AP1G1: variants seen among roughly 807,000 people sequenced by gnomAD.
The protein encoded by AP1G1 is AP-1 complex subunit gamma-1.
A neutral mutation model predicts 108.3 loss-of-function variants in AP1G1; 7 were observed. The ratio of observed to expected loss-of-function variants is 0.06; its 90% CI spans 0.04 to 0.12. AP1G1 has a LOEUF of 0.12. AP1G1 is among the 10% of genes least tolerant of loss of function. The pLI is 1.00. For missense variants in AP1G1, 756 were observed against 1,010.7 expected (o/e 0.75, Z 3.42); for synonymous variants, 379 against 353.5 (o/e 1.07, Z -0.81).
intron 9 of AP1G1, among the ~76,000 whole-genome samples, chr16:71,763,896 T>C (rs1305630132): frequency 3.0e-4 from 45 of 152,038 alleles, no homozygotes; most frequent in Non-Finnish European, 7.4e-5. Context: ...AAATGAAAAA[T>C]TGTCATTAGA....
chr16:71,732,859 G>A lies in AP1G1; in HGVS notation c.*199C>T, dbSNP rs184500521. The A allele has an allele frequency of 1.6e-5, 8 of 511,174 alleles. No individual in the cohort carries two copies. The East Asian group carries it at 2.5e-4, about 16-fold the overall frequency. The allele number at this position is 511,174 out of a possible 1,614,324, so 31.7% of individuals were successfully genotyped here. On this transcript the variant is annotated 3_prime_UTR_variant, in exon 23 of 23. Transcript: ENST00000299980. ...GCAAAGTAGCCTCCAGAAGCAGCCA[G>A]CCTCAACAGTGGAGGAGAGGACATT...
Position 71,788,771 on chromosome 16 carries a change from C to G in AP1G1, c.201+508G>C, listed in dbSNP as rs142595615. ...AAACTCCTGGGGCACAAGCAATCCT[C>G]TTGACTTAGCTTCCTGAGTAGCTGG... On this transcript the variant is annotated intron_variant, in intron 2 of 22. Transcript: ENST00000299980. 3.3e-3 allele frequency among the ~76,000 whole-genome samples: 501 copies of G among 151,834 alleles called. 2 individuals carry two copies. Among genetic ancestry groups the G allele is most frequent in the Middle Eastern group, 0.01 (3 of 294 alleles).
At chr16:71,791,628 T>C (rs901098311) in intron 1 of AP1G1, among the ~76,000 whole-genome samples, 2 of 144,992 alleles carry the variant, frequency 1.4e-5, no homozygotes, top group African/African-American at 5.2e-5. Context: ...GAGGCTGCAG[T>C]AAGCTGTGAC....
At chr16:71,804,408 ATT>A (rs71153664) in intron 1 of AP1G1, among the ~76,000 whole-genome samples, 72 of 124,724 alleles carry the variant, frequency 5.8e-4, no homozygotes, top group Admixed American at 6.9e-4. Flanking sequence ...TGCTCTCTTA[ATT>A]TTTTTTTTTT....
chr16:71,752,855 T>C (rs2030575846), intron 13 of AP1G1, among the ~76,000 whole-genome samples: 1 of 152,194 alleles, frequency 6.6e-6, no homozygotes, highest in South Asian at 2.1e-4. Flanking sequence ...ATTTCTTTAA[T>C]AAGAAAATTT....
intron 1 of AP1G1, among the ~76,000 whole-genome samples, chr16:71,804,900 T>C (rs1379983161): frequency 2.0e-5 from 3 of 151,892 alleles, no homozygotes; most frequent in Admixed American, 1.3e-4. Context: ...CCCAGCTACT[T>C]AGGAGGCTGA....
At chr16:71,794,293 C>T (rs988381752) in intron 1 of AP1G1, among the ~76,000 whole-genome samples, 2 of 152,090 alleles carry the variant, frequency 1.3e-5, no homozygotes, top group African/African-American at 4.8e-5. Context: ...TTTAGTATTT[C>T]GATGGTTTCA....
rs146667783 is a variant in AP1G1, at chr16:71,749,043, A to C, written c.1498-665T>G. Among the ~76,000 whole-genome samples, 506 of 152,142 alleles carry C rather than the reference A, an allele frequency of 3.3e-3. 4 individuals are homozygous for C. The highest frequency in any genetic ancestry group is 0.012 in the African/African-American group (482 of 41,534). On this transcript the variant is annotated intron_variant, in intron 15 of 22. Coordinates refer to ENST00000299980, the MANE Select transcript of AP1G1 (RefSeq NM_001128.6). ...TGCCTCAGCCTCCCGAGTAGCTGGG[A>C]CTACAGGTGCCTGCCACCACGCCCG...
intron 3 of AP1G1, among the ~76,000 whole-genome samples, chr16:71,773,908 G>A (rs893952088): frequency 1.0e-4 from 15 of 144,430 alleles, no homozygotes; most frequent in South Asian, 7.9e-4. Flanking sequence ...GACTACAGGC[G>A]CACGCCACCA....
At chr16:71,800,693 C>T (rs951934835) in intron 1 of AP1G1, among the ~76,000 whole-genome samples, 5 of 151,756 alleles carry the variant, frequency 3.3e-5, no homozygotes, top group Non-Finnish European at 5.9e-5. Context: ...CCCAGCTACT[C>T]GGGAGGCTGA....
In AP1G1 at chr16:71,750,170, G is replaced by C. The variant is rs370731931; in HGVS notation, c.1407+40C>G. 29 of 1,602,526 alleles carry C rather than the reference G, an allele frequency of 1.8e-5. No homozygotes were observed. In the African/African-American group the frequency reaches 3.5e-4, roughly 19 times the overall value. On this transcript the variant is annotated intron_variant, in intron 14 of 22. Transcript: ENST00000299980. Reference sequence around the variant, plus strand: ...AGAAAAACATACCAGAAAAATTGAGGGTAAAATTACCCCCTAAAATAGTTG... The same window carrying C: ...AGAAAAACATACCAGAAAAATTGAGCGTAAAATTACCCCCTAAAATAGTTG...
intron 2 of AP1G1, among the ~76,000 whole-genome samples, chr16:71,778,197 C>T (rs2031862899): frequency 6.6e-6 from 1 of 152,050 alleles, no homozygotes; most frequent in Non-Finnish European, 1.5e-5. Flanking sequence ...TCAATATTCC[C>T]CCATTTATAG....
chr16:71,765,803 G>A (rs2031288439), intron 6 of AP1G1, among the ~76,000 whole-genome samples: 1 of 152,112 alleles, frequency 6.6e-6, no homozygotes, highest in Non-Finnish European at 1.5e-5. Flanking sequence ...AACCAAACCA[G>A]ACTTTTTTAT....
intron 1 of AP1G1, among the ~76,000 whole-genome samples, chr16:71,798,356 G>A (rs1416813791): frequency 2.0e-5 from 3 of 152,008 alleles, no homozygotes; most frequent in Non-Finnish European, 2.9e-5. Context: ...GTGCCACCAC[G>A]CTCAGCTAAT....
chr16:71,804,703 A>T (rs2032938818), intron 1 of AP1G1, among the ~76,000 whole-genome samples: 1 of 152,154 alleles, frequency 6.6e-6, no homozygotes, highest in Admixed American at 6.6e-5. Context: ...CCACTGCACC[A>T]GCCTGCTCTC....
At chr16:71,744,317 T>C (rs1026616457) in intron 19 of AP1G1, among the ~76,000 whole-genome samples, 2 of 152,162 alleles carry the variant, frequency 1.3e-5, no homozygotes, top group Non-Finnish European at 2.9e-5. Flanking sequence ...ATGACTGGTA[T>C]ATATGAACAG....
At chr16:71,805,033 A>G (rs2032949714) in intron 1 of AP1G1, among the ~76,000 whole-genome samples, 1 of 151,830 alleles carries the variant, frequency 6.6e-6, no homozygotes, top group African/African-American at 2.4e-5. Context: ...AATAAAAATA[A>G]AATTGCTTGT....
chr16:71,746,054 G>C (rs1217608139), intron 17 of AP1G1, among the ~76,000 whole-genome samples: 1 of 151,936 alleles, frequency 6.6e-6, no homozygotes, highest in Non-Finnish European at 1.5e-5. Context: ...TCTGTCGCCA[G>C]GCTGGAGTGC....
At chr16:71,778,276 A>G (rs2031866458) in intron 2 of AP1G1, among the ~76,000 whole-genome samples, 1 of 152,238 alleles carries the variant, frequency 6.6e-6, no homozygotes, top group African/African-American at 2.4e-5. Context: ...ATAAGGTTAT[A>G]TGACTGGAAA....
Sources: gnomAD v4.1 joint callset for allele counts (sites outside exome capture counted in the v4.1 genomes callset) on GRCh38, gnomAD v4.1.1 for gene constraint, MANE v1.5 for transcripts, NCBI Gene and HGNC (gene_info 2026-07-23, HGNC 2026-07-21) for gene names.